Variants in CCDC171 observed in about 807,000 individuals in gnomAD.
The protein encoded by CCDC171 is coiled-coil domain-containing protein 171.
In CCDC171, 177 loss-of-function variants were observed where a neutral mutation model predicts 168.2. That is an observed-to-expected ratio of 1.05 (90% CI 0.93 to 1.19). The LOEUF (loss-of-function observed/expected upper bound fraction) is 1.19. Ranked by LOEUF, CCDC171 falls within the 50% of genes most tolerant of loss-of-function variation. The pLI, the probability that CCDC171 is intolerant of heterozygous loss-of-function variation, is 0.00. For synonymous variants in CCDC171, 687 were observed against 540.8 expected (o/e 1.27, Z -3.75); for missense variants, 1,991 against 1,539.0 (o/e 1.29, Z -4.91).
At position 16,054,099 on chromosome 9, in the gene CCDC171, A is replaced by G. The variant is rs149894634; in HGVS notation, n.90-6547A>G. ...CAGCGCTCCTTTTAAAAGTGGGCTC[A>G]TGAGGCCACGTATTTGAGTGCGTGG... is the stretch of plus-strand genomic sequence containing the variant. On this transcript the variant is annotated intron_variant and non_coding_transcript_variant, in intron 1 of 1. Coordinates refer to the CCDC171 transcript ENST00000478913. Among the ~76,000 whole-genome samples the G allele has an allele frequency of 9.2e-5, 14 of 152,160 alleles. No individual in the cohort carries two copies. In the East Asian group the frequency reaches 2.5e-3, roughly 27 times the overall value.
chr9:16,090,607 T>C, the CCDC171 span, among the ~76,000 whole-genome samples: 1 of 152,160 alleles, frequency 6.6e-6, no homozygotes, highest in African/African-American at 2.4e-5. Context: ...GAAATAAAAA[T>C]GAAAGAGAAG....
intron 7 of CCDC171, among the ~76,000 whole-genome samples, chr9:15,628,125 T>A (rs1011319445): frequency 3.9e-5 from 6 of 152,112 alleles, no homozygotes; most frequent in African/African-American, 1.4e-4. Flanking sequence ...ATTTCTGCAT[T>A]TCCATCTGAG....
chr9:15,849,958 AT>A (rs1436637153), intron 23 of CCDC171, among the ~76,000 whole-genome samples: 3 of 151,802 alleles, frequency 2.0e-5, no homozygotes, highest in Non-Finnish European at 2.9e-5. Flanking sequence ...TGAAAAAAAA[AT>A]AATCTGAGTG....
At chr9:16,102,806 G>A in the CCDC171 span, among the ~76,000 whole-genome samples, 1 of 152,190 alleles carries the variant, frequency 6.6e-6, no homozygotes, top group Non-Finnish European at 1.5e-5. Context: ...TCAGCATGGA[G>A]AGCTTCTTTT....
At chr9:16,050,875 G>A (rs60692567) in intron 1 of CCDC171, among the ~76,000 whole-genome samples, 2,579 of 152,198 alleles carry the variant, frequency 0.017, 87 homozygotes, top group African/African-American at 0.06. Context: ...AGGTATATCC[G>A]ATGACCACAG....
chr9:15,895,955 T>G (rs925609326), intron 24 of CCDC171, among the ~76,000 whole-genome samples: 2 of 152,090 alleles, frequency 1.3e-5, no homozygotes, highest in African/African-American at 4.8e-5. Flanking sequence ...CTAAGATTAT[T>G]GTTGCCTTTT....
At chr9:15,991,677 C>T (rs576348580) in intron 3 of CCDC171, among the ~76,000 whole-genome samples, 13 of 151,882 alleles carry the variant, frequency 8.6e-5, no homozygotes, top group Admixed American at 2.0e-4. Context: ...ATTGATAGAC[C>T]GCTAGCAGAC....
chr9:15,809,443 GGTGA>G (rs1207810690), intron 21 of CCDC171, among the ~76,000 whole-genome samples: 1 of 152,166 alleles, frequency 6.6e-6, no homozygotes, highest in Non-Finnish European at 1.5e-5. Flanking sequence ...AGACTCTCGT[GGTGA>G]GTGTTACAGT....
intron 23 of CCDC171, among the ~76,000 whole-genome samples, chr9:15,849,327 A>G (rs1304818899): frequency 6.6e-6 from 1 of 151,120 alleles, no homozygotes; most frequent in Non-Finnish European, 1.5e-5. Flanking sequence ...ATATATGTAT[A>G]TAGAGAAATA....
At chr9:15,920,932 C>T (rs1484436172) in intron 25 of CCDC171, among the ~76,000 whole-genome samples, 1 of 150,746 alleles carries the variant, frequency 6.6e-6, no homozygotes, top group Admixed American at 6.7e-5. Context: ...AAAATTTCAG[C>T]CCATGATGAA....
At chr9:16,062,574 AAAG>A (rs1422540104), downstream of CCDC171, among the ~76,000 whole-genome samples, 147 of 152,324 alleles carry the variant, frequency 9.7e-4, no homozygotes, top group African/African-American at 3.3e-3. Flanking sequence ...AAGAAAACAA[AAAG>A]AAAGTAAGGA....
intron 11 of CCDC171, among the ~76,000 whole-genome samples, chr9:15,696,639 C>T (rs568346707): frequency 2.0e-5 from 3 of 152,098 alleles, no homozygotes; most frequent in South Asian, 2.1e-4. Flanking sequence ...TAAATATTGT[C>T]GCAGTATAGC....
intron 23 of CCDC171, among the ~76,000 whole-genome samples, chr9:15,873,742 A>G (rs560525058): frequency 6.6e-6 from 1 of 152,210 alleles, no homozygotes; most frequent in Non-Finnish European, 1.5e-5. Context: ...TTATATAAGG[A>G]ATATTTTCTC....
chr9:15,723,883 A>G (rs2053643405), intron 13 of CCDC171, 137 bp downstream of exon 13: 1 of 425,326 alleles, frequency 2.4e-6, no homozygotes, highest in Non-Finnish European at 4.2e-6. Context: ...TAGAATTTTA[A>G]TTTTTTCTTG....
At chr9:15,893,938 A>G (rs1031866111) in intron 24 of CCDC171, among the ~76,000 whole-genome samples, 9 of 152,154 alleles carry the variant, frequency 5.9e-5, no homozygotes, top group African/African-American at 2.2e-4. Flanking sequence ...TATACCAAAG[A>G]TGTATAAATA....
intron 18 of CCDC171, among the ~76,000 whole-genome samples, chr9:15,755,664 G>T (rs886508249): frequency 3.9e-5 from 6 of 152,146 alleles, no homozygotes; most frequent in African/African-American, 1.2e-4. Flanking sequence ...AATGATCCCT[G>T]AAGACATTAT....
chr9:15,983,236 C>T (rs1831862231), intron 3 of CCDC171, among the ~76,000 whole-genome samples: 2 of 151,910 alleles, frequency 1.3e-5, no homozygotes, highest in South Asian at 4.2e-4. Flanking sequence ...AATCTTTTTC[C>T]CCAGTTCTCT....
the CCDC171 span, among the ~76,000 whole-genome samples, chr9:16,104,056 C>A: frequency 1.3e-5 from 2 of 152,116 alleles, no homozygotes; most frequent in Non-Finnish European, 2.9e-5. Flanking sequence ...ACCCTGGGTA[C>A]CCCTTCTGTA....
chr9:15,580,540 A>C (rs1249651740), intron 4 of CCDC171, among the ~76,000 whole-genome samples: 1 of 152,188 alleles, frequency 6.6e-6, no homozygotes, highest in Non-Finnish European at 1.5e-5. Flanking sequence ...CAAGAAAAAA[A>C]CAAATAATCC....
Sources: allele counts gnomAD v4.1 joint callset (sites outside exome capture counted in the v4.1 genomes callset), GRCh38; gene constraint gnomAD v4.1.1; transcripts MANE v1.5; gene names NCBI Gene and HGNC (gene_info 2026-07-23, HGNC 2026-07-21).